EFNA5: variants seen among roughly 807,000 people sequenced by gnomAD.
EFNA5 encodes ephrin-A5.
EFNA5 carries 5 observed loss-of-function variants against 22.9 expected under a neutral mutation model. That is an observed-to-expected ratio of 0.22 (90% CI 0.11 to 0.46). EFNA5 has a LOEUF of 0.46. EFNA5 is among the 20% of genes least tolerant of loss of function. The pLI is 0.99. For missense variants in EFNA5, 237 were observed against 293.3 expected (o/e 0.81, Z 1.40); for synonymous variants, 113 against 112.2 (o/e 1.01, Z -0.04).
At chr5:107,437,342 C>T (rs545374265) in intron 1 of EFNA5, among the ~76,000 whole-genome samples, 46 of 152,246 alleles carry the variant, frequency 3.0e-4, no homozygotes, top group African/African-American at 9.9e-4. Context: ...GAAATTGGCA[C>T]GTGCAAGGTA....
At chr5:107,669,874 C>T (rs1234670854) in intron 1 of EFNA5, among the ~76,000 whole-genome samples, 4 of 152,000 alleles carry the variant, frequency 2.6e-5, no homozygotes, top group African/African-American at 7.2e-5. Context: ...CACTGCCAGG[C>T]GCGCCGGGCC....
rs151208028 is a variant in EFNA5, at chr5:107,408,023, C to T, written c.418+19194G>A. On this transcript the variant is annotated intron_variant, in intron 2 of 4. Coordinates refer to ENST00000333274, the MANE Select transcript of EFNA5 (RefSeq NM_001962.3). ...TGAAAAGTGGGAGCTGTCTGTGATA[C>T]TAATTTGAAAAACTAATGAAGTAAT... Among the ~76,000 whole-genome samples the T allele has an allele frequency of 3.1e-3, 470 of 152,282 alleles. 9 individuals are homozygous for T. Among genetic ancestry groups the T allele is most frequent in the Admixed American group, 0.026 (394 of 15,302 alleles).
chr5:107,387,409 T>TG, intron 3 of EFNA5, 94 bp from the exon 4 acceptor site: 2 of 832,638 alleles, frequency 2.4e-6, no homozygotes, highest in South Asian at 3.7e-5. Context: ...TTTTTTTCTT[T>TG]TTTTATGTAG....
chr5:107,587,022 A>G (rs1749201728), intron 1 of EFNA5, among the ~76,000 whole-genome samples: 1 of 152,200 alleles, frequency 6.6e-6, no homozygotes, highest in Non-Finnish European at 1.5e-5. Context: ...GAATCACTGC[A>G]CACTAAATGG....
intron 1 of EFNA5, among the ~76,000 whole-genome samples, chr5:107,652,932 A>G (rs1038118270): frequency 6.6e-6 from 1 of 151,902 alleles, no homozygotes; most frequent in Non-Finnish European, 1.5e-5. Context: ...TAATAAGAAC[A>G]TCTCCTCTTC....
chr5:107,657,909 C>G (rs186065600), intron 1 of EFNA5, among the ~76,000 whole-genome samples: 5 of 152,038 alleles, frequency 3.3e-5, no homozygotes, highest in African/African-American at 7.2e-5. Context: ...TAACTAGTTC[C>G]ATTCCTTACT....
intron 1 of EFNA5, among the ~76,000 whole-genome samples, chr5:107,651,638 G>A (rs963713588): frequency 1.1e-4 from 16 of 146,206 alleles, no homozygotes; most frequent in Admixed American, 2.8e-4. Flanking sequence ...TTAGACTTTC[G>A]CTAATGATTT....
At chr5:107,632,119 C>G (rs895950552) in intron 1 of EFNA5, among the ~76,000 whole-genome samples, 10 of 152,198 alleles carry the variant, frequency 6.6e-5, no homozygotes, top group Admixed American at 1.3e-4. Context: ...TCCTTCTCAT[C>G]TCTCTCTTTT....
intron 1 of EFNA5, among the ~76,000 whole-genome samples, chr5:107,491,981 C>G: frequency 6.6e-6 from 1 of 152,138 alleles, no homozygotes; most frequent in South Asian, 2.1e-4. Context: ...ATTACAGGTG[C>G]GCGCCACTAT....
At chr5:107,417,256 T>C (rs1289860779) in intron 2 of EFNA5, among the ~76,000 whole-genome samples, 1 of 152,158 alleles carries the variant, frequency 6.6e-6, no homozygotes, top group Non-Finnish European at 1.5e-5. Flanking sequence ...ATATTATCAT[T>C]CCAATTCCCA....
At chr5:107,531,685 C>A (rs1178838105) in intron 1 of EFNA5, among the ~76,000 whole-genome samples, 3 of 152,200 alleles carry the variant, frequency 2.0e-5, no homozygotes, top group African/African-American at 7.2e-5. Context: ...ATTCCCCAAC[C>A]TTACAAATCT....
chr5:107,656,078 T>C (rs759135720), intron 1 of EFNA5, among the ~76,000 whole-genome samples: 24 of 152,282 alleles, frequency 1.6e-4, no homozygotes, highest in Non-Finnish European at 2.8e-4. Flanking sequence ...AAGCTCCTCA[T>C]TGGAAATACA....
intron 1 of EFNA5, among the ~76,000 whole-genome samples, chr5:107,495,191 C>T (rs1746942494): frequency 6.6e-6 from 1 of 152,156 alleles, no homozygotes; most frequent in African/African-American, 2.4e-5. Context: ...TCTTTGGGTC[C>T]ACACTGCCTT....
intron 1 of EFNA5, among the ~76,000 whole-genome samples, chr5:107,590,987 A>G (rs6874615): frequency 0.024 from 3,659 of 152,282 alleles, 156 homozygotes; most frequent in African/African-American, 0.081. Context: ...TGTGTGAAGC[A>G]AAGCTATCAT....
intron 1 of EFNA5, among the ~76,000 whole-genome samples, chr5:107,541,319 C>G (rs983591857): frequency 3.3e-5 from 5 of 152,048 alleles, no homozygotes; most frequent in Middle Eastern, 3.4e-3. Flanking sequence ...GTTAATTTAT[C>G]AGAATGCCAA....
intron 2 of EFNA5, among the ~76,000 whole-genome samples, chr5:107,424,271 A>G (rs974147896): frequency 5.0e-5 from 7 of 141,112 alleles, no homozygotes; most frequent in Non-Finnish European, 9.0e-5. Flanking sequence ...CAGTGGCTCA[A>G]TCTCGGCTCA....
chr5:107,637,837 T>TTTTA (rs34019093), intron 1 of EFNA5, among the ~76,000 whole-genome samples: 44,519 of 147,606 alleles, frequency 0.3, 8,126 homozygotes, highest in Non-Finnish European at 0.41. Context: ...AACAGTTTAT[T>TTTTA]TTTATTTATT....
intron 1 of EFNA5, among the ~76,000 whole-genome samples, chr5:107,581,051 G>A (rs575784741): frequency 5.3e-5 from 8 of 152,290 alleles, no homozygotes; most frequent in Admixed American, 2.0e-4. Flanking sequence ...AGATGTGTGT[G>A]TACAAAATAT....
intron 1 of EFNA5, among the ~76,000 whole-genome samples, chr5:107,597,307 C>T (rs1460503537): frequency 4.6e-5 from 7 of 152,132 alleles, no homozygotes; most frequent in African/African-American, 1.7e-4. Flanking sequence ...TACACAGTCT[C>T]GTCTTGGTCA....
Sources: gnomAD v4.1 joint callset for allele counts (sites outside exome capture counted in the v4.1 genomes callset) on GRCh38, gnomAD v4.1.1 for gene constraint, MANE v1.5 for transcripts, NCBI Gene and HGNC (gene_info 2026-07-23, HGNC 2026-07-21) for gene names.